MLIP: variants seen among roughly 807,000 people sequenced by gnomAD.
MLIP encodes the protein muscular LMNA-interacting protein.
Under a neutral mutation model 84.8 loss-of-function variants are expected in MLIP, and 79 were observed. The ratio of observed to expected loss-of-function variants is 0.93; its 90% confidence interval spans 0.78 to 1.12. The LOEUF is 1.12. MLIP is among the 50% of genes most tolerant of loss of function. The pLI is 0.00. For synonymous variants in MLIP, 504 were observed against 463.0 expected (o/e 1.09, Z -1.14); for missense variants, 1,257 against 1,160.6 (o/e 1.08, Z -1.21).
Position 54,207,418 on chromosome 6 carries a change from C to G in MLIP, c.2718+5185C>G, listed in dbSNP as rs572258952. Among the ~76,000 whole-genome samples the G allele has an allele frequency of 1.7e-4, 24 of 143,760 alleles. 1 individual carries two copies. The highest frequency in any genetic ancestry group is 2.5e-4 in the Non-Finnish European group (16 of 65,060). 94.3% of individuals were successfully genotyped at this position (143,760 alleles called of 152,430 possible). A position where few individuals can be genotyped will look rare whatever the true frequency, so the allele number is the denominator to read the frequency against. ...TTTCCATCACCTCTGCACCCCCCCC[C>G]CCTTTTTTGACATTTCTTTTCTCTT... On this transcript the variant is annotated intron_variant, in intron 11 of 13. Coordinates refer to ENST00000502396, the MANE Select transcript of MLIP (RefSeq NM_001281747.2).
At chr6:54,085,184 T>A (rs1767404892) in intron 1 of MLIP, among the ~76,000 whole-genome samples, 1 of 152,096 alleles carries the variant, frequency 6.6e-6, no homozygotes, top group Non-Finnish European at 1.5e-5. Flanking sequence ...CCTTCTCCTC[T>A]CTCCTGACAC....
chr6:54,041,896 C>A (rs1448275875), intron 1 of MLIP, among the ~76,000 whole-genome samples: 1 of 152,056 alleles, frequency 6.6e-6, no homozygotes, highest in African/African-American at 2.4e-5. Flanking sequence ...CCTCAGGCAC[C>A]AAATGCTCAT....
At chr6:54,092,972 G>A (rs1272794453) in intron 1 of MLIP, among the ~76,000 whole-genome samples, 3 of 152,132 alleles carry the variant, frequency 2.0e-5, no homozygotes, top group African/African-American at 7.2e-5. Context: ...TGCCTCCTGG[G>A]TTCAAGCAAT....
intron 1 of MLIP, among the ~76,000 whole-genome samples, chr6:54,080,633 A>C (rs955573833): frequency 6.7e-6 from 1 of 149,950 alleles, no homozygotes; most frequent in Non-Finnish European, 1.5e-5. Context: ...TTTTTGTCTG[A>C]GAAAACATAT....
chr6:54,080,702 A>G (rs964540104), intron 1 of MLIP, among the ~76,000 whole-genome samples: 4 of 148,324 alleles, frequency 2.7e-5, no homozygotes, highest in African/African-American at 9.8e-5. Context: ...TAAATTTAAT[A>G]TAAGTAATTT....
intron 8 of MLIP, among the ~76,000 whole-genome samples, chr6:54,163,581 A>G (rs187009233): frequency 7.9e-5 from 12 of 152,122 alleles, no homozygotes; most frequent in Admixed American, 5.2e-4. Context: ...TATCAATTTT[A>G]AAACATGTAA....
chr6:54,202,297 TAA>T lies in MLIP; in HGVS notation c.2718+66_2718+67del, dbSNP rs71774855. The T allele has an allele frequency of 7.8e-3, 5,865 of 749,792 alleles. 263 individuals are homozygous for T. In the African/African-American group the frequency reaches 0.11, roughly 13 times the overall value. 46.4% of individuals were successfully genotyped at this position (749,792 alleles called of 1,614,324 possible). The stretch of plus-strand genomic sequence containing the variant: ...AATATAAATATATATAAAATATATA[TAA>T]ATATATAAATATATTTTGATAAATA... On this transcript the variant is annotated intron_variant, in intron 11 of 13. Coordinates refer to ENST00000502396, the MANE Select transcript of MLIP (RefSeq NM_001281747.2).
At chr6:54,149,010 T>C (rs754261137) in intron 4 of MLIP, 46 bp from the exon 5 acceptor site, 1 of 1,479,728 alleles carries the variant, frequency 6.8e-7, no homozygotes, top group African/African-American at 1.4e-5. Flanking sequence ...TGTCATATTC[T>C]TTCCCATTTT....
At chr6:54,247,302 C>T (rs1040173353) in intron 12 of MLIP, among the ~76,000 whole-genome samples, 2 of 152,164 alleles carry the variant, frequency 1.3e-5, no homozygotes, top group Non-Finnish European at 2.9e-5. Flanking sequence ...TCAGTAAATA[C>T]CTCATTTATT....
chr6:54,039,582 C>G (rs1009659102), intron 1 of MLIP, among the ~76,000 whole-genome samples: 1 of 151,800 alleles, frequency 6.6e-6, no homozygotes, highest in African/African-American at 2.4e-5. Context: ...TTCAAATGAG[C>G]ACATGAGAGC....
intron 1 of MLIP, among the ~76,000 whole-genome samples, chr6:54,113,185 T>C (rs1769619156): frequency 6.6e-6 from 1 of 152,146 alleles, no homozygotes; most frequent in South Asian, 2.1e-4. Context: ...AGTCATGACA[T>C]GGAAAGATAA....
intron 12 of MLIP, among the ~76,000 whole-genome samples, chr6:54,246,376 A>G (rs975318726): frequency 3.9e-5 from 6 of 152,150 alleles, no homozygotes; most frequent in African/African-American, 1.4e-4. Flanking sequence ...TATTACCAGT[A>G]TATAATATCT....
In MLIP at chr6:54,120,246, T is replaced by A. The variant is rs566728044; in HGVS notation, c.97-1201T>A. ...CTTGCGACTTCTTTTTTTTATTTTT[T>A]TTTTTTGAGACGGAGTCTCGCTCTG... On this transcript the variant is annotated intron_variant, in intron 1 of 13. Transcript: ENST00000502396. 3.5e-4 allele frequency among the ~76,000 whole-genome samples: 54 copies of A among 152,218 alleles called. 1 individual carries two copies. The highest frequency in any genetic ancestry group is 1.2e-3 in the African/African-American group (48 of 41,534).
chr6:54,249,710 AACACAC>A (rs147266668), intron 12 of MLIP, among the ~76,000 whole-genome samples: 3 of 147,116 alleles, frequency 2.0e-5, no homozygotes, highest in Admixed American at 6.8e-5. Flanking sequence ...GGAAATGAGG[AACACAC>A]ACACACACAC....
chr6:54,050,769 C>A (rs903549765), intron 1 of MLIP, among the ~76,000 whole-genome samples: 3 of 152,022 alleles, frequency 2.0e-5, no homozygotes, highest in African/African-American at 7.2e-5. Context: ...GTATGGGCAT[C>A]ATGGTATTAT....
chr6:54,157,468 C>T (rs1281815576), intron 5 of MLIP, among the ~76,000 whole-genome samples: 1 of 152,018 alleles, frequency 6.6e-6, no homozygotes, highest in East Asian at 1.9e-4. Flanking sequence ...TCAAACAAGC[C>T]AATCATATCC....
chr6:54,187,736 A>C (rs1777531932), intron 9 of MLIP, among the ~76,000 whole-genome samples: 1 of 152,166 alleles, frequency 6.6e-6, no homozygotes, highest in Non-Finnish European at 1.5e-5. Context: ...AACTATAGGG[A>C]GATGGTCTGA....
At chr6:54,226,569 G>A (rs1270198525) in intron 11 of MLIP, among the ~76,000 whole-genome samples, 10 of 150,430 alleles carry the variant, frequency 6.6e-5, no homozygotes, top group Non-Finnish European at 1.0e-4. Flanking sequence ...CCAGATACCC[G>A]AGGAAGACCT....
At position 54,230,708 on chromosome 6, in the gene MLIP, C is replaced by T; in HGVS notation, c.2719-6C>T. 8 of 1,613,502 alleles carry T rather than the reference C, an allele frequency of 5.0e-6. No homozygotes were observed. Among genetic ancestry groups the T allele is most frequent in the Non-Finnish European group, 6.8e-6 (8 of 1,179,624 alleles). The stretch of plus-strand genomic sequence containing the variant: ...ATCCTCTTATGCCTTTCTTCTTCCC[C>T]ACCAGGATGTAACAGTCCCTCCCAA... On this transcript the variant is annotated splice_region_variant and splice_polypyrimidine_tract_variant and intron_variant, in intron 11 of 13. Transcript: ENST00000502396.
Sources: allele counts gnomAD v4.1 joint callset (sites outside exome capture counted in the v4.1 genomes callset), GRCh38; gene constraint gnomAD v4.1.1; transcripts MANE v1.5; gene names NCBI Gene and HGNC (gene_info 2026-07-23, HGNC 2026-07-21).